ZNF503: variants seen among roughly 807,000 people sequenced by gnomAD.
ZNF503 encodes zinc finger protein 503.
In ZNF503, 15 loss-of-function variants were observed where a neutral mutation model predicts 34.4. The observed-to-expected ratio is 0.44, with a 90% CI of 0.29 to 0.67. The LOEUF is 0.67. ZNF503 is among the 30% of genes least tolerant of loss of function. ZNF503 has a pLI of 0.13. For synonymous variants in ZNF503, 580 were observed against 456.8 expected, an observed-to-expected ratio of 1.27 and a Z score of -3.44; for missense variants, 1,007 against 926.8, an observed-to-expected ratio of 1.09 and a Z score of -1.12.
chr10:75,387,402 T>C, the ZNF503 span, among the ~76,000 whole-genome samples: 1 of 152,234 alleles, frequency 6.6e-6, no homozygotes, highest in Non-Finnish European at 1.5e-5. Flanking sequence ...GTCTCAGTTT[T>C]CTCTTTTGTA....
chr10:75,327,770 CT>C, the ZNF503 span, among the ~76,000 whole-genome samples: 1 of 151,980 alleles, frequency 6.6e-6, no homozygotes, highest in Non-Finnish European at 1.5e-5. Context: ...TTAAAAAAAT[CT>C]TTTTGATAAT....
At chr10:75,340,655 A>G in the ZNF503 span, among the ~76,000 whole-genome samples, 8 of 152,102 alleles carry the variant, frequency 5.3e-5, no homozygotes, top group East Asian at 1.5e-3. Context: ...CTGGAGTGCA[A>G]TGGCATGATT....
the ZNF503 span, among the ~76,000 whole-genome samples, chr10:75,300,086 G>T: frequency 6.6e-6 from 1 of 152,154 alleles, no homozygotes; most frequent in Non-Finnish European, 1.5e-5. Flanking sequence ...CATCCCTACA[G>T]TCTCAACCAT....
chr10:75,399,331 A>G lies in ZNF503; in HGVS notation c.1359T>C (p.His453=). The G allele has an allele frequency of 6.2e-7, 1 of 1,605,448 alleles. No homozygotes were observed. Among genetic ancestry groups the G allele is most frequent in the South Asian group, 1.1e-5 (1 of 90,454 alleles). The change falls in exon 2 of 2, where the codon CAT becomes CAC. Residue 453 remains histidine, a synonymous_variant. Coordinates refer to ENST00000372524, the MANE Select transcript of ZNF503 (RefSeq NM_032772.6). Reference sequence around the variant, plus strand: ...GCGCCGCAGCCGCAGCAGCCGGATCATGTGCGCAAGAAGCGCTGGCGGCCG... The same window carrying G: ...GCGCCGCAGCCGCAGCAGCCGGATCGTGTGCGCAAGAAGCGCTGGCGGCCG... ...GAAAASASCA[H]DPAAAAAALK...
At chr10:75,343,649 C>T in the ZNF503 span, among the ~76,000 whole-genome samples, 5 of 152,212 alleles carry the variant, frequency 3.3e-5, no homozygotes, top group African/African-American at 1.2e-4. Flanking sequence ...AAATCCCCTC[C>T]ATGGAGCCCT....
At chr10:75,331,227 C>T in the ZNF503 span, among the ~76,000 whole-genome samples, 8 of 152,214 alleles carry the variant, frequency 5.3e-5, no homozygotes, top group African/African-American at 1.9e-4. Context: ...AACATGTGGT[C>T]TATTCTGGAG....
chr10:75,384,138 G>C, the ZNF503 span, among the ~76,000 whole-genome samples: 2 of 152,132 alleles, frequency 1.3e-5, no homozygotes, highest in African/African-American at 4.8e-5. Flanking sequence ...TGGGAGGTGT[G>C]GGGCAGGGGA....
Position 75,398,932 on chromosome 10 carries a change from C to A in ZNF503, c.1758G>T (p.Thr586=). ...CGTGGTGGGGGCTGCGCAGCGCCAGCGTCCCAGGGCTGCCCGGTGCGCCCG... is the reference window on the plus strand; with the variant it reads ...CGTGGTGGGGGCTGCGCAGCGCCAGAGTCCCAGGGCTGCCCGGTGCGCCCG... ...PTSGAPGSPG[T]LALRSPHHAL... The change falls in exon 2 of 2, where the codon ACG becomes ACT. Residue 586 remains threonine (T), a synonymous_variant. Transcript: ENST00000372524. The A allele has an allele frequency of 6.3e-7, 1 of 1,588,670 alleles. No individual in the cohort carries two copies. Among genetic ancestry groups the A allele is most frequent in the South Asian group, 1.1e-5 (1 of 88,520 alleles).
chr10:75,400,467 G>C lies in ZNF503; in HGVS notation c.316-93C>G, dbSNP rs953819382. On this transcript the variant is annotated intron_variant, in intron 1 of 1. Transcript: ENST00000372524. ...GCTTCTGGGGTTCAAATGCCTCTCC[G>C]CAACAGCCCACGAAGATCCTCCCAG... The C allele has an allele frequency of 2.7e-6, 4 of 1,457,086 alleles. No homozygotes were observed. The African/African-American group carries it at 4.2e-5, about 15-fold the overall frequency. 90.3% of individuals were successfully genotyped at this position (1,457,086 alleles called of 1,614,324 possible). A position where few individuals can be genotyped will look rare whatever the true frequency, so the allele number is the denominator to read the frequency against.
chr10:75,399,400 A>G lies in ZNF503; in HGVS notation c.1290T>C (p.Pro430=), dbSNP rs1409322484. Reference sequence around the variant, plus strand: ...TAGCGCAGTGGTAGCTGAGGCAGTAAGGGTCCCGGCACAAACTGGCTGTCA... The same window carrying G: ...TAGCGCAGTGGTAGCTGAGGCAGTAGGGGTCCCGGCACAAACTGGCTGTCA... ...SVMTASLCRD[P]YCLSYHCASH... Residue 430 remains proline (P), a synonymous_variant, in exon 2 of 2, where the codon CCT becomes CCC. Coordinates refer to ENST00000372524, the MANE Select transcript of ZNF503 (RefSeq NM_032772.6). 6.2e-7 allele frequency: 1 copy of G among 1,605,484 alleles called. No individual in the cohort carries two copies.
At position 75,401,336 on chromosome 10, in the gene ZNF503, T is replaced by G; in HGVS notation, c.84A>C (p.Ala28=). Residue 28 remains alanine, a synonymous_variant, in exon 1 of 2, where the codon GCA becomes GCC. Coordinates refer to ENST00000372524, the MANE Select transcript of ZNF503 (RefSeq NM_032772.6). ...AGAGCGCGCTGGTCCAGGCAGGGTC[T>G]GCACCGCCGCCTCCGCCTCCGCCGC... ...GGGGGGGGGG[A]DPAWTSALSG... The G allele has an allele frequency of 4.5e-6, 7 of 1,539,256 alleles. No homozygotes were observed. The highest frequency in any genetic ancestry group is 6.1e-6 in the Non-Finnish European group (7 of 1,147,416).
chr10:75,316,483 AGTG>A, the ZNF503 span, among the ~76,000 whole-genome samples: 2 of 151,618 alleles, frequency 1.3e-5, no homozygotes, highest in African/African-American at 2.4e-5. Flanking sequence ...CAGCCTTTTG[AGTG>A]GCTAAGACTA....
chr10:75,297,980 G>A, the ZNF503 span, among the ~76,000 whole-genome samples: 24 of 148,458 alleles, frequency 1.6e-4, no homozygotes, highest in East Asian at 1.2e-3. Context: ...CCTACATACC[G>A]TAAAATCATC....
chr10:75,371,486 G>A, the ZNF503 span, among the ~76,000 whole-genome samples: 2 of 152,154 alleles, frequency 1.3e-5, no homozygotes, highest in African/African-American at 4.8e-5. Context: ...CACTGCCAAA[G>A]ATCTTTTCCT....
chr10:75,391,078 C>T, the ZNF503 span, among the ~76,000 whole-genome samples: 1 of 152,172 alleles, frequency 6.6e-6, no homozygotes, highest in Non-Finnish European at 1.5e-5. Context: ...CCTAACAGCC[C>T]TATTTCCAAA....
chr10:75,395,352 G>T (rs1843684444), downstream of ZNF503, among the ~76,000 whole-genome samples: 1 of 152,228 alleles, frequency 6.6e-6, no homozygotes, highest in African/African-American at 2.4e-5. This position sits in a 1 kb window ranked among gnomAD's most constrained non-coding sequence, Gnocchi z 4.4. Context: ...GGAGTCACAG[G>T]GAGGGGCCTC....
the ZNF503 span, among the ~76,000 whole-genome samples, chr10:75,282,858 G>A: frequency 6.6e-6 from 1 of 152,124 alleles, no homozygotes; most frequent in Non-Finnish European, 1.5e-5. Context: ...GCTAATCAAT[G>A]GAAATCACTG....
chr10:75,374,712 A>G, the ZNF503 span, among the ~76,000 whole-genome samples: 1 of 152,238 alleles, frequency 6.6e-6, no homozygotes, highest in Admixed American at 6.5e-5. Flanking sequence ...AGGACAGTCT[A>G]CTGTCTCCCA....
chr10:75,373,492 C>T, the ZNF503 span: 42 of 152,332 alleles, frequency 2.8e-4, no homozygotes, highest in African/African-American at 7.0e-4. Context: ...TCTGGGAACC[C>T]GCAGGATATC....
Sources: gnomAD v4.1 joint callset for allele counts (sites outside exome capture counted in the v4.1 genomes callset) on GRCh38, gnomAD v4.1.1 for gene constraint, Gnocchi (gnomAD v3.1) non-coding constraint, MANE v1.5 for transcripts, NCBI Gene and HGNC (gene_info 2026-07-23, HGNC 2026-07-21) for gene names.